BEND3: variants seen among roughly 807,000 people sequenced by gnomAD.
BEND3 encodes BEN domain-containing protein 3.
BEND3 carries 13 observed loss-of-function variants against 60.1 expected under a neutral mutation model. The observed-to-expected ratio is 0.22, with a 90% CI of 0.14 to 0.34. The LOEUF is 0.34. BEND3 is among the 10% of genes least tolerant of loss of function. The probability of loss-of-function intolerance (pLI) is 1.00; values close to 1 mark genes in which losing one functional copy is unlikely to be tolerated. For missense variants in BEND3, 896 were observed against 1,138.1 expected (o/e 0.79, Z 3.06); for synonymous variants, 497 against 491.5 (o/e 1.01, Z -0.15).
Position 107,070,353 on chromosome 6 carries a change from T to C in BEND3, c.838A>G (p.Ser280Gly), listed in dbSNP as rs782529682. The change falls in exon 4 of 4, where the codon AGC becomes GGC. Residue 280 changes from serine (S) to glycine (G), a missense_variant. By Grantham distance (56) the Ser-to-Gly change is moderately conservative. Transcript: ENST00000369042. This position sits in a 1 kb window ranked among gnomAD's most constrained non-coding sequence, Gnocchi z 6.9. ...CAGCCCCGGGAGAAGTCCACGTCGC[T>C]GAAGAGCTCGGGGAAGAGCTGCACC... ...LLVQLFPELF[S>G]DVDFSRGCSA... 3.7e-6 allele frequency: 6 copies of C among 1,612,364 alleles called. No individual in the cohort carries two copies. The African/African-American group carries it at 5.4e-5, about 14-fold the overall frequency.
chr6:107,073,201 GTATATATATATATATATATA>G lies in BEND3; in HGVS notation c.241-2271_241-2252del, dbSNP rs782669876. ...CTTCCTTCAGGGTTTGTATGTGTAT[GTATATATATATATATATATA>G]TATATATATATATATATATATATAT... On this transcript the variant is annotated intron_variant, in intron 3 of 3. Transcript: ENST00000369042. 4.9e-3 allele frequency among the ~76,000 whole-genome samples: 111 copies of G among 22,630 alleles called. 7 individuals are homozygous for G. Among genetic ancestry groups the G allele is most frequent in the East Asian group, 0.042 (47 of 1,122 alleles). 14.8% of individuals were successfully genotyped at this position (22,630 alleles called of 152,430 possible).
chr6:107,112,031 C>T (rs1278789267), intron 1 of BEND3, among the ~76,000 whole-genome samples: 2 of 152,030 alleles, frequency 1.3e-5, no homozygotes, highest in South Asian at 2.1e-4. Flanking sequence ...AAAAACACTA[C>T]ATCCCAGCCT....
At chr6:107,108,571 G>A (rs1775871456) in intron 1 of BEND3, among the ~76,000 whole-genome samples, 1 of 152,090 alleles carries the variant, frequency 6.6e-6, no homozygotes, top group East Asian at 1.9e-4. Flanking sequence ...TTAGGGTTCG[G>A]GGCAGTTGGG....
At position 107,114,701 on chromosome 6, in the gene BEND3, C is replaced by T. The variant is rs28493400; in HGVS notation, c.-12+389G>A. ...CCGGCCGCTCCATCGCGGCGCCCGG[C>T]GGGGGTGCGGGGCCGGCGCGCGGCG... On this transcript the variant is annotated intron_variant, in intron 1 of 3. Coordinates refer to ENST00000369042, the MANE Select transcript of BEND3 (RefSeq NM_001367314.1). Among the ~76,000 whole-genome samples the T allele has an allele frequency of 0.017, 2,490 of 146,836 alleles. 84 individuals carry two copies. In the East Asian group the frequency reaches 0.17, roughly 10 times the overall value.
rs1562297966 is a variant in BEND3 at position 107,069,980 on chromosome 6, G to A, written c.1211C>T (p.Ala404Val). 1 of 1,613,582 alleles carries A rather than the reference G, an allele frequency of 6.2e-7. No individual in the cohort carries two copies. The highest frequency in any genetic ancestry group is 8.5e-7 in the Non-Finnish European group (1 of 1,179,960). The change falls in exon 4 of 4, where the codon GCC (alanine) becomes GTC (valine). Residue 404 changes from alanine to valine, a missense_variant. By Grantham distance (64) the Ala-to-Val change is moderately conservative (BLOSUM62 0). Coordinates refer to ENST00000369042, the MANE Select transcript of BEND3 (RefSeq NM_001367314.1). ...TQDLTEFLDE[A>V]SSPGEFAVFL... ...GACGGCAAACTCGCCTGGTGAGGAG[G>A]CTTCGTCCAGGAACTCAGTGAGGTC...
intron 3 of BEND3, among the ~76,000 whole-genome samples, chr6:107,085,043 C>T (rs2783038): frequency 6.6e-6 from 1 of 151,644 alleles, no homozygotes. Flanking sequence ...CTCATCACGA[C>T]GGTCTGCGGC....
chr6:107,104,486 C>G (rs183313688), intron 1 of BEND3, among the ~76,000 whole-genome samples: 21 of 152,170 alleles, frequency 1.4e-4, no homozygotes, highest in Admixed American at 1.3e-4. Flanking sequence ...CTCCCAGTGA[C>G]ACCCAAATCC....
rs1554231748 is a variant in BEND3, at chr6:107,070,231, G to A, written c.960C>T (p.Asp320=). 6.2e-7 allele frequency: 1 copy of A among 1,612,960 alleles called. No individual in the cohort carries two copies. Among genetic ancestry groups the A allele is most frequent in the Non-Finnish European group, 8.5e-7 (1 of 1,179,970 alleles). ...GGCACTCGGCCTGCCACACAGCCGT[G>A]TCCTTCACCGAGGGGTAGTAGACCT... The part of the protein sequence containing the change: ...YVEVYYPSVK[D]TAVWQAECLP... The change falls in exon 4 of 4, where the codon GAC becomes GAT. Residue 320 remains aspartate, a synonymous_variant. Transcript: ENST00000369042. This position sits in a 1 kb window ranked among gnomAD's most constrained non-coding sequence, Gnocchi z 6.9.
At chr6:107,073,266 TA>T (rs1775029974) in intron 3 of BEND3, among the ~76,000 whole-genome samples, 1 of 76,764 alleles carries the variant, frequency 1.3e-5, no homozygotes, top group Non-Finnish European at 2.4e-5. Flanking sequence ...TATATATATG[TA>T]TGTGAGCAAA....
At chr6:107,107,860 T>C (rs1216821623) in intron 1 of BEND3, among the ~76,000 whole-genome samples, 7 of 152,146 alleles carry the variant, frequency 4.6e-5, no homozygotes, top group South Asian at 2.1e-4. Context: ...CAATGAAACA[T>C]AGAAACTGGA....
At chr6:107,104,265 G>C (rs1775767031) in intron 1 of BEND3, among the ~76,000 whole-genome samples, 1 of 146,642 alleles carries the variant, frequency 6.8e-6, no homozygotes, top group Non-Finnish European at 1.5e-5. Context: ...ACTCCAGCCT[G>C]GGCGACAGAG....
At chr6:107,094,635 TAAA>T (rs1775545106) in intron 3 of BEND3, among the ~76,000 whole-genome samples, 2 of 145,702 alleles carry the variant, frequency 1.4e-5, no homozygotes, top group South Asian at 4.3e-4. Flanking sequence ...AATAAATAAA[TAAA>T]TAAATAAATA....
intron 1 of BEND3, among the ~76,000 whole-genome samples, chr6:107,101,879 C>T (rs1775708765): frequency 6.6e-6 from 1 of 152,176 alleles, no homozygotes; most frequent in South Asian, 2.1e-4. Context: ...GGTCACATAA[C>T]CCATTCCTGC....
chr6:107,065,949 A>C lies in BEND3; in HGVS notation c.*2755T>G, dbSNP rs1774818363. On this transcript the variant is annotated 3_prime_UTR_variant, in exon 4 of 4. Transcript: ENST00000369042. ...CAAGGTGAACTGAAGGGGGATGCGA[A>C]CACTCAGTACATTCGTGACTATCTT... 6.6e-6 allele frequency: 1 copy of C among 152,428 alleles called. No individual in the cohort carries two copies. The highest frequency in any genetic ancestry group is 1.5e-5 in the Non-Finnish European group (1 of 68,044). 9.4% of individuals were successfully genotyped at this position (152,428 alleles called of 1,614,324 possible). A position where few individuals can be genotyped will look rare whatever the true frequency, so the allele number is the denominator to read the frequency against.
At position 107,068,320 on chromosome 6, in the gene BEND3, C is replaced by T. The variant is rs1292873095; in HGVS notation, c.*384G>A. On this transcript the variant is annotated 3_prime_UTR_variant, in exon 4 of 4. Transcript: ENST00000369042. The surrounding 1 kb of genome is among the most constrained non-coding windows in gnomAD (Gnocchi z 5.8). The stretch of plus-strand genomic sequence containing the variant: ...TCTTTTTAATTAAAAAAAAATGGGT[C>T]AAAATGGAAGATGTAAAATATGGGA... The T allele has an allele frequency of 3.6e-5, 6 of 168,432 alleles. No individual in the cohort carries two copies. The highest frequency in any genetic ancestry group is 1.4e-4 in the African/African-American group (6 of 41,896). 10.4% of individuals were successfully genotyped at this position (168,432 alleles called of 1,614,324 possible).
intron 3 of BEND3, among the ~76,000 whole-genome samples, chr6:107,087,792 CTTTTT>C (rs34765639): frequency 4.3e-5 from 4 of 92,388 alleles, no homozygotes; most frequent in Non-Finnish European, 2.0e-5. Flanking sequence ...AATGAAAATA[CTTTTT>C]TTTTTTTTTT....
At chr6:107,084,470 C>T (rs781796797) in intron 3 of BEND3, among the ~76,000 whole-genome samples, 2 of 151,200 alleles carry the variant, frequency 1.3e-5, no homozygotes, top group African/African-American at 2.5e-5. Flanking sequence ...AATCAGCACT[C>T]TGTAAAAACG....
chr6:107,114,331 C>A (rs1554238959), intron 1 of BEND3: 1 of 152,110 alleles, frequency 6.6e-6, no homozygotes, highest in Non-Finnish European at 1.5e-5. Flanking sequence ...GGGTGCACAC[C>A]CAAGGCGCCG....
Position 107,098,564 on chromosome 6 carries a change from C to T in BEND3, c.227G>A (p.Arg76Gln), listed in dbSNP as rs782549819. Residue 76 changes from arginine to glutamine, a missense_variant, in exon 3 of 4, where the codon CGG becomes CAG. By Grantham distance (43) the Arg-to-Gln change is conservative. This residue lies in a region of BEND3 where 846 missense variants were observed against 1,036.7 expected (regional missense o/e 0.82). Transcript: ENST00000369042. Reference sequence around the variant, plus strand: ...CTAGGCCCTCACCTCGGGGATCAGCCGCCTCCTCTTCACGCCGGGGACAGA... The same window carrying T: ...CTAGGCCCTCACCTCGGGGATCAGCTGCCTCCTCTTCACGCCGGGGACAGA... The part of the protein sequence containing the change: ...LDSVPGVKRR[R>Q]LIPEALLAGM... 15 of 1,612,798 alleles carry T rather than the reference C, an allele frequency of 9.3e-6. 1 individual carries two copies. The highest frequency in any genetic ancestry group is 3.3e-5 in the South Asian group (3 of 91,040).
Sources: allele counts gnomAD v4.1 joint callset (sites outside exome capture counted in the v4.1 genomes callset), GRCh38; gene constraint gnomAD v4.1.1; regional missense constraint gnomAD v4.1.1; non-coding constraint Gnocchi (gnomAD v3.1); transcripts MANE v1.5; gene names NCBI Gene and HGNC (gene_info 2026-07-23, HGNC 2026-07-21).